Variants in CPM observed in about 807,000 individuals in gnomAD.
CPM encodes the protein renal carboxypeptidase.
CPM carries 35 observed loss-of-function variants against 46.4 expected under a neutral mutation model. The ratio of observed to expected loss-of-function variants is 0.75; its 90% confidence interval spans 0.58 to 1.00. The LOEUF is 1.00. CPM is among the 50% of genes least tolerant of loss of function. CPM has a pLI of 0.00. For synonymous variants in CPM, 195 were observed against 195.3 expected, an observed-to-expected ratio of 1.00 and a Z score of 0.01; for missense variants, 422 against 530.4, an observed-to-expected ratio of 0.80 and a Z score of 2.01.
At chr12:68,950,419 A>G (rs1159040474) in intron 1 of CPM, among the ~76,000 whole-genome samples, 1 of 152,196 alleles carries the variant, frequency 6.6e-6, no homozygotes, top group African/African-American at 2.4e-5. Flanking sequence ...AGTAGGAGAG[A>G]AAGGGAAATA....
chr12:68,911,885 C>T (rs1221194899), intron 2 of CPM: 1 of 152,176 alleles, frequency 6.6e-6, no homozygotes, highest in Non-Finnish European at 1.5e-5. Context: ...GTTCTTCGGG[C>T]TCTGTGTTCT....
intron 1 of CPM, among the ~76,000 whole-genome samples, chr12:68,952,870 G>T (rs1412477858): frequency 1.3e-5 from 2 of 152,162 alleles, no homozygotes; most frequent in Non-Finnish European, 2.9e-5. Context: ...AACCCTTTGT[G>T]GCCAACCATG....
rs539165632 is a variant in CPM at position 68,947,150 on chromosome 12, G to A, written c.-3-14310C>T. ...CAGAAGGTGCTCATTGAGTTGAAAT[G>A]GAGTTAAGTGGAGTTCAAAAAAGCT... On this transcript the variant is annotated intron_variant, in intron 1 of 8. Coordinates refer to the CPM transcript ENST00000546373. 4.6e-5 allele frequency among the ~76,000 whole-genome samples: 7 copies of A among 152,310 alleles called. No individual in the cohort carries two copies. The South Asian group carries it at 1.2e-3, about 27-fold the overall frequency.
intron 2 of CPM, among the ~76,000 whole-genome samples, chr12:68,919,828 C>A (rs1887960955): frequency 6.6e-6 from 1 of 152,154 alleles, no homozygotes; most frequent in South Asian, 2.1e-4. Context: ...CGTGTCTGCC[C>A]CAATTGAACA....
In CPM at chr12:68,866,915, A is replaced by G; in HGVS notation, c.921T>C (p.Tyr307=). 2 of 1,613,632 alleles carry G rather than the reference A, an allele frequency of 1.2e-6. No homozygotes were observed. The highest frequency in any genetic ancestry group is 1.7e-6 in the Non-Finnish European group (2 of 1,179,888). ...ACAAACCTAGGTGCACCTGCTTTAT[A>G]TATTCAATTAATGAGGCTTTGTTAT... ...WNNNKASLIE[Y]IKQVHLGVKG... is the part of the protein sequence containing the mutation. The change falls in exon 7 of 9, where the codon TAT becomes TAC. Residue 307 remains tyrosine (Y), a synonymous_variant. Transcript: ENST00000551568.
chr12:68,924,919 C>T (rs889312371), intron 2 of CPM, among the ~76,000 whole-genome samples: 1 of 152,098 alleles, frequency 6.6e-6, no homozygotes, highest in Non-Finnish European at 1.5e-5. Flanking sequence ...CTCTTAGGAG[C>T]AAGAATCTTA....
At chr12:68,920,358 C>A (rs555779925) in intron 2 of CPM, among the ~76,000 whole-genome samples, 14 of 152,206 alleles carry the variant, frequency 9.2e-5, no homozygotes, top group Non-Finnish European at 1.8e-4. Flanking sequence ...AATGACCCTA[C>A]GCTTCCCACA....
intron 2 of CPM, among the ~76,000 whole-genome samples, chr12:68,919,362 G>A (rs967681648): frequency 1.2e-4 from 19 of 152,122 alleles, no homozygotes; most frequent in Admixed American, 4.6e-4. Flanking sequence ...ATCTGAACTC[G>A]CCTTGTTTTT....
intron 3 of CPM, among the ~76,000 whole-genome samples, chr12:68,880,198 C>A (rs1318062528): frequency 1.3e-5 from 2 of 152,020 alleles, no homozygotes; most frequent in Non-Finnish European, 2.9e-5. Flanking sequence ...ATCCAACATG[C>A]CAATATGTGT....
At chr12:68,960,732 G>A (rs1055907088) in intron 1 of CPM, among the ~76,000 whole-genome samples, 2 of 152,118 alleles carry the variant, frequency 1.3e-5, no homozygotes, top group African/African-American at 4.8e-5. Flanking sequence ...AACAAGCATG[G>A]AGCTCCTCTA....
At chr12:68,894,922 G>A (rs1241741208) in intron 2 of CPM, among the ~76,000 whole-genome samples, 2 of 151,684 alleles carry the variant, frequency 1.3e-5, no homozygotes, top group African/African-American at 2.4e-5. Context: ...CCAGCTACTT[G>A]GGAGGCTGAG....
At chr12:68,848,721 T>G (rs952965593), downstream of CPM, 1 of 152,192 alleles carries the variant, frequency 6.6e-6, no homozygotes, top group Non-Finnish European at 1.5e-5. Flanking sequence ...AGCTTTTTGT[T>G]TTTTTGGGGG....
At chr12:68,861,207 G>A (rs953264098) in intron 7 of CPM, among the ~76,000 whole-genome samples, 4 of 151,976 alleles carry the variant, frequency 2.6e-5, no homozygotes, top group Non-Finnish European at 5.9e-5. Context: ...CCTCTTATTT[G>A]GATTAAGAAA....
At chr12:68,912,169 G>A (rs1887623205) in intron 2 of CPM, among the ~76,000 whole-genome samples, 1 of 152,034 alleles carries the variant, frequency 6.6e-6, no homozygotes, top group African/African-American at 2.4e-5. Flanking sequence ...CAACACACTC[G>A]GCTAATTTTG....
intron 2 of CPM, among the ~76,000 whole-genome samples, chr12:68,909,700 C>A (rs1887500938): frequency 6.6e-6 from 1 of 151,976 alleles, no homozygotes; most frequent in Non-Finnish European, 1.5e-5. Flanking sequence ...ATGGATGAAG[C>A]TGGAAACCAT....
intron 5 of CPM, chr12:68,843,020 G>A (rs1217367508): frequency 4.7e-6 from 1 of 213,698 alleles, no homozygotes; most frequent in Non-Finnish European, 9.4e-6. Flanking sequence ...GGTAGAACAA[G>A]CTTTATTTTT....
intron 2 of CPM, among the ~76,000 whole-genome samples, chr12:68,894,722 T>C (rs1886796553): frequency 6.6e-6 from 1 of 152,194 alleles, no homozygotes; most frequent in Non-Finnish European, 1.5e-5. Context: ...TGAAGCATTC[T>C]GCCTTGAAGT....
At chr12:68,847,173 TTATGTATG>T (rs375607351), downstream of CPM, 24 of 120,100 alleles carry the variant, frequency 2.0e-4, no homozygotes, top group African/African-American at 5.4e-4. Context: ...ACATATGTGT[TTATGTATG>T]TATGTGTGTG....
chr12:68,884,206 G>C lies in CPM; in HGVS notation c.258+1586C>G, dbSNP rs1886334698. 4.0e-5 allele frequency among the ~76,000 whole-genome samples: 6 copies of C among 151,422 alleles called. No homozygotes were observed. The South Asian group carries it at 1.3e-3, about 32-fold the overall frequency. On this transcript the variant is annotated intron_variant, in intron 3 of 8. Transcript: ENST00000551568. ...GCAAAAGGGAAACGCAGTCTGAGCT[G>C]CTGTCTATAACGAACAGTTGTTTTA...
Sources: gnomAD v4.1 joint callset for allele counts (sites outside exome capture counted in the v4.1 genomes callset) on GRCh38, gnomAD v4.1.1 for gene constraint, MANE v1.5 for transcripts, NCBI Gene and HGNC (gene_info 2026-07-23, HGNC 2026-07-21) for gene names.